The following CTNNA3 variants were observed in gnomAD, a reference collection of about 807,000 sequenced individuals.
CTNNA3 encodes catenin alpha 3.
Under a neutral mutation model 95.7 loss-of-function variants are expected in CTNNA3, and 76 were observed. The observed-to-expected ratio is 0.79, with a 90% CI of 0.66 to 0.96. CTNNA3 has a LOEUF of 0.96. Among genes scored for constraint, CTNNA3 ranks in the 40% least tolerant of loss-of-function variants. The probability of loss-of-function intolerance (pLI) is 0.00; values close to 1 mark genes in which losing one functional copy is unlikely to be tolerated. For synonymous variants in CTNNA3, 431 were observed against 374.4 expected, an observed-to-expected ratio of 1.15 and a Z score of -1.74; for missense variants, 1,191 against 1,089.8, an observed-to-expected ratio of 1.09 and a Z score of -1.31.
chr10:66,881,446 C>G (rs1844847757), intron 7 of CTNNA3, among the ~76,000 whole-genome samples: 2 of 152,090 alleles, frequency 1.3e-5, no homozygotes, highest in Admixed American at 6.6e-5. Flanking sequence ...AGTGGACAAC[C>G]TCACAAAAAT....
intron 7 of CTNNA3, among the ~76,000 whole-genome samples, chr10:67,034,252 T>G (rs1564844761): frequency 6.6e-6 from 1 of 152,196 alleles, no homozygotes; most frequent in Non-Finnish European, 1.5e-5. Context: ...CTGGAGCTTA[T>G]TCTGTGTAAT....
intron 7 of CTNNA3, among the ~76,000 whole-genome samples, chr10:66,806,775 T>A (rs1235192718): frequency 6.6e-6 from 1 of 151,426 alleles, no homozygotes; most frequent in African/African-American, 2.4e-5. Context: ...TGTGTGTGTG[T>A]GTGTGTGTGT....
intron 5 of CTNNA3, among the ~76,000 whole-genome samples, chr10:67,442,791 C>CT (rs1477921597): frequency 2.7e-5 from 4 of 150,918 alleles, no homozygotes; most frequent in Admixed American, 1.3e-4. Flanking sequence ...ACCCTACTTT[C>CT]TTTTTTTTTA....
chr10:67,756,896 A>G (rs1841436516), intron 1 of CTNNA3, among the ~76,000 whole-genome samples: 1 of 152,162 alleles, frequency 6.6e-6, no homozygotes, highest in South Asian at 2.1e-4. Context: ...CTATGTAAAA[A>G]AATATATATA....
At chr10:66,437,454 A>C (rs1815803788) in intron 11 of CTNNA3, among the ~76,000 whole-genome samples, 1 of 152,016 alleles carries the variant, frequency 6.6e-6, no homozygotes, top group African/African-American at 2.4e-5. Flanking sequence ...AATCTCTGAT[A>C]TCCTTTCTTC....
chr10:67,614,848 TG>T (rs569920743), intron 2 of CTNNA3, among the ~76,000 whole-genome samples: 172 of 152,348 alleles, frequency 1.1e-3, no homozygotes, highest in African/African-American at 4.0e-3. Flanking sequence ...TGGTTTCTCC[TG>T]AGGCCTTGCT....
At position 66,798,543 on chromosome 10, in the gene CTNNA3, T is replaced by A. The variant is rs2132226337; in HGVS notation, c.1048-23019A>T. 2.0e-5 allele frequency among the ~76,000 whole-genome samples: 3 copies of A among 151,750 alleles called. 1 individual carries two copies. In the South Asian group the frequency reaches 6.2e-4, roughly 31 times the overall value. ...TATTTTAGTTAGGTAAATGGCTGTA[T>A]AACTCAATTCAGATCAATCTTAGTT... On this transcript the variant is annotated intron_variant, in intron 7 of 17. Coordinates refer to ENST00000433211, the MANE Select transcript of CTNNA3 (RefSeq NM_013266.4).
chr10:67,106,067 C>A (rs1358168141), intron 7 of CTNNA3, among the ~76,000 whole-genome samples: 1 of 152,214 alleles, frequency 6.6e-6, no homozygotes, highest in East Asian at 1.9e-4. Flanking sequence ...TACACTTCAT[C>A]ATTTTGTGGA....
intron 7 of CTNNA3, among the ~76,000 whole-genome samples, chr10:66,972,923 T>C (rs1022964220): frequency 6.6e-6 from 1 of 151,862 alleles, no homozygotes; most frequent in Non-Finnish European, 1.5e-5. Flanking sequence ...TGTTGACAAG[T>C]TTCATAGATT....
intron 1 of CTNNA3, among the ~76,000 whole-genome samples, chr10:67,745,481 G>T (rs2131743582): frequency 7.2e-6 from 1 of 139,450 alleles, no homozygotes; most frequent in Non-Finnish European, 1.6e-5. Flanking sequence ...GACACAGGAA[G>T]GGGAACATCA....
intron 5 of CTNNA3, among the ~76,000 whole-genome samples, chr10:67,466,861 G>C (rs1450352631): frequency 6.6e-6 from 1 of 152,116 alleles, no homozygotes; most frequent in Admixed American, 6.5e-5. Context: ...CACTTTAAAA[G>C]ATCATAGCTA....
chr10:67,318,221 G>A (rs1424090297), intron 5 of CTNNA3, among the ~76,000 whole-genome samples: 1 of 152,144 alleles, frequency 6.6e-6, no homozygotes, highest in South Asian at 2.1e-4. Flanking sequence ...CTATCCTGAA[G>A]CAGTGTGGCA....
At chr10:66,752,793 G>A (rs1286782717) in intron 9 of CTNNA3, among the ~76,000 whole-genome samples, 1 of 152,016 alleles carries the variant, frequency 6.6e-6, no homozygotes, top group Non-Finnish European at 1.5e-5. Flanking sequence ...AAGAAGTATA[G>A]CTATATTCTC....
At chr10:66,295,737 G>T (rs762340709) in intron 12 of CTNNA3, among the ~76,000 whole-genome samples, 1 of 152,128 alleles carries the variant, frequency 6.6e-6, no homozygotes, top group Admixed American at 6.5e-5. Flanking sequence ...GGTAAAGATA[G>T]CAGGTCACAT....
At chr10:66,955,469 C>T (rs1848738178) in intron 7 of CTNNA3, among the ~76,000 whole-genome samples, 1 of 152,150 alleles carries the variant, frequency 6.6e-6, no homozygotes, top group South Asian at 2.1e-4. Flanking sequence ...AATCATCTTG[C>T]ATGACAGTAT....
At chr10:67,509,067 G>A (rs1379039625) in intron 5 of CTNNA3, among the ~76,000 whole-genome samples, 1 of 151,878 alleles carries the variant, frequency 6.6e-6, no homozygotes, top group Non-Finnish European at 1.5e-5. Context: ...GTAGAGACGG[G>A]GTTTCACCAT....
At chr10:66,914,352 G>A (rs145029371) in intron 7 of CTNNA3, among the ~76,000 whole-genome samples, 116 of 151,880 alleles carry the variant, frequency 7.6e-4, no homozygotes, top group African/African-American at 2.7e-3. Flanking sequence ...GGATGGTCTC[G>A]ATCTCCTGAC....
intron 7 of CTNNA3, among the ~76,000 whole-genome samples, chr10:67,059,490 G>T (rs995760479): frequency 3.9e-5 from 6 of 152,190 alleles, no homozygotes; most frequent in Non-Finnish European, 7.3e-5. Flanking sequence ...TAGGTCGAAG[G>T]TAATATGAAA....
At chr10:66,161,567 G>C (rs1452890141) in intron 13 of CTNNA3, among the ~76,000 whole-genome samples, 1 of 152,204 alleles carries the variant, frequency 6.6e-6, no homozygotes, top group East Asian at 1.9e-4. Flanking sequence ...TGAAAAATCT[G>C]CTGCTAATCT....
Sources: gnomAD v4.1 joint callset for allele counts (sites outside exome capture counted in the v4.1 genomes callset) on GRCh38, gnomAD v4.1.1 for gene constraint, MANE v1.5 for transcripts, NCBI Gene and HGNC (gene_info 2026-07-23, HGNC 2026-07-21) for gene names.